Variants in ARHGAP28 observed in about 807,000 individuals in gnomAD.
ARHGAP28 encodes Rho GTPase activating protein 28.
In ARHGAP28, 56 loss-of-function variants were observed where a neutral mutation model predicts 90.7. The ratio of observed to expected loss-of-function variants is 0.62; its 90% confidence interval spans 0.50 to 0.77. The LOEUF (loss-of-function observed/expected upper bound fraction) is 0.77. Among genes scored for constraint, ARHGAP28 ranks in the 30% least tolerant of loss-of-function variants. The probability of loss-of-function intolerance (pLI) is 0.00; values close to 1 mark genes in which losing one functional copy is unlikely to be tolerated. For synonymous variants in ARHGAP28, 308 were observed against 323.3 expected (o/e 0.95, Z 0.51); for missense variants, 869 against 900.9 (o/e 0.96, Z 0.45).
At chr18:6,910,736 A>G (rs925105841) in intron 17 of ARHGAP28, among the ~76,000 whole-genome samples, 2 of 152,252 alleles carry the variant, frequency 1.3e-5, no homozygotes, top group Admixed American at 6.5e-5. Context: ...CTGTAAACCC[A>G]GCCCCTAGAA....
intron 16 of ARHGAP28, chr18:6,898,416 C>T (rs12185460): frequency 0.55 from 697,124 of 1,268,166 alleles, 193,963 homozygotes; most frequent in East Asian, 0.69. Context: ...CACATTAACC[C>T]GTTTTCCACT....
chr18:6,732,412 A>G (rs1427612546), intron 1 of ARHGAP28, among the ~76,000 whole-genome samples: 3 of 152,186 alleles, frequency 2.0e-5, no homozygotes, highest in Non-Finnish European at 4.4e-5. Context: ...TCAAACCAGC[A>G]AGACTTTGAG....
At chr18:6,869,962 A>G (rs1167900210) in intron 6 of ARHGAP28, among the ~76,000 whole-genome samples, 3 of 152,202 alleles carry the variant, frequency 2.0e-5, no homozygotes, top group African/African-American at 7.2e-5. Flanking sequence ...TGAGAAAAAC[A>G]TTTTTAAGGG....
At chr18:6,781,253 G>C (rs1600177320) in intron 1 of ARHGAP28, among the ~76,000 whole-genome samples, 2 of 152,174 alleles carry the variant, frequency 1.3e-5, no homozygotes, top group South Asian at 4.1e-4. Context: ...TTGACCCCAG[G>C]GGATTGGACA....
chr18:6,756,662 A>G (rs4594328), intron 1 of ARHGAP28, among the ~76,000 whole-genome samples: 97,724 of 152,058 alleles, frequency 0.64, 31,870 homozygotes, highest in Non-Finnish European at 0.7. Context: ...ACAAGGTGAA[A>G]TACCATGAGG....
intron 3 of ARHGAP28, among the ~76,000 whole-genome samples, chr18:6,839,317 A>G (rs8099684): frequency 0.59 from 85,590 of 144,490 alleles, 25,868 homozygotes; most frequent in African/African-American, 0.72. Context: ...TTTTTGAGAC[A>G]GCGTCTCGCT....
chr18:6,813,355 TTC>T (rs1009522811), intron 1 of ARHGAP28, among the ~76,000 whole-genome samples: 2 of 152,066 alleles, frequency 1.3e-5, no homozygotes, highest in Admixed American at 1.3e-4. Context: ...TAATGTGTAG[TTC>T]TCTCTCTATA....
At chr18:6,743,299 A>C (rs924023791) in intron 1 of ARHGAP28, among the ~76,000 whole-genome samples, 8 of 152,232 alleles carry the variant, frequency 5.3e-5, no homozygotes, top group African/African-American at 1.7e-4. Flanking sequence ...CTTTATTCTT[A>C]GCCTCAAAAT....
chr18:6,770,983 C>A (rs768904622), intron 1 of ARHGAP28, among the ~76,000 whole-genome samples: 11 of 152,136 alleles, frequency 7.2e-5, no homozygotes, highest in Non-Finnish European at 1.5e-4. Flanking sequence ...TATTTTGGAA[C>A]TAAAATGTCT....
chr18:6,898,057 T>C (rs1357261909), intron 16 of ARHGAP28: 1 of 155,538 alleles, frequency 6.4e-6, no homozygotes, highest in Non-Finnish European at 1.4e-5. Flanking sequence ...GTATTATGTC[T>C]TAAAACCACA....
At chr18:6,893,803 A>G (rs1189533504) in intron 14 of ARHGAP28, among the ~76,000 whole-genome samples, 1 of 152,128 alleles carries the variant, frequency 6.6e-6, no homozygotes, top group Non-Finnish European at 1.5e-5. Flanking sequence ...AATACCATAA[A>G]AGCAAACACT....
At chr18:6,823,627 A>G (rs1274051036) in intron 1 of ARHGAP28, among the ~76,000 whole-genome samples, 1 of 130,714 alleles carries the variant, frequency 7.7e-6, no homozygotes, top group Non-Finnish European at 1.7e-5. Flanking sequence ...TTTTGGCTTT[A>G]AGAACATTTT....
At chr18:6,908,835 A>G in intron 16 of ARHGAP28, 125 bp from the exon 17 acceptor site, 2 of 656,786 alleles carry the variant, frequency 3.0e-6, no homozygotes, top group Non-Finnish European at 5.5e-6. Context: ...CAGTCATGAT[A>G]CAGTTTTGTG....
chr18:6,870,476 A>G, intron 6 of ARHGAP28, 114 bp from the exon 7 acceptor site: 1 of 1,094,352 alleles, frequency 9.1e-7, no homozygotes, highest in Non-Finnish European at 1.3e-6. Context: ...GCATATAAAC[A>G]CTGTAACGTG....
rs117618621 is a variant in ARHGAP28 at position 6,730,707 on chromosome 18, G to A, written c.122+764G>A. ...TAACTGAAACAAAAACGTTTAAGTG[G>A]GTAGACAAAAGTATTATGATGAGTG... On this transcript the variant is annotated intron_variant, in intron 1 of 17. Transcript: ENST00000383472. 1.2e-4 allele frequency among the ~76,000 whole-genome samples: 18 copies of A among 152,258 alleles called. No individual in the cohort carries two copies. In the East Asian group the frequency reaches 3.5e-3, roughly 29 times the overall value.
chr18:6,756,134 T>G (rs1461135826), intron 1 of ARHGAP28, among the ~76,000 whole-genome samples: 3 of 152,204 alleles, frequency 2.0e-5, no homozygotes, highest in Admixed American at 1.3e-4. Flanking sequence ...AGTATTAATC[T>G]CACAGATTTA....
intron 2 of ARHGAP28, 107 bp from the exon 3 acceptor site, chr18:6,837,090 G>A: frequency 1.2e-6 from 1 of 835,854 alleles, no homozygotes; most frequent in Non-Finnish European, 1.8e-6. Context: ...AATTACTGTA[G>A]AAAAAAAATA....
At chr18:6,751,055 C>T (rs550097159) in intron 1 of ARHGAP28, among the ~76,000 whole-genome samples, 1 of 152,194 alleles carries the variant, frequency 6.6e-6, no homozygotes, top group Non-Finnish European at 1.5e-5. Context: ...TCCCTGAAAG[C>T]AGAAGTCAGG....
At chr18:6,757,654 T>G (rs2143303576) in intron 1 of ARHGAP28, among the ~76,000 whole-genome samples, 1 of 152,302 alleles carries the variant, frequency 6.6e-6, no homozygotes, top group African/African-American at 2.4e-5. Flanking sequence ...GTTTCCAAAA[T>G]TTTGTTATCT....
Sources: gnomAD v4.1 joint callset for allele counts (sites outside exome capture counted in the v4.1 genomes callset) on GRCh38, gnomAD v4.1.1 for gene constraint, MANE v1.5 for transcripts, NCBI Gene and HGNC (gene_info 2026-07-23, HGNC 2026-07-21) for gene names.